Variants in FBN2 observed in about 807,000 individuals in gnomAD.
FBN2 encodes fibrillin-2.
FBN2 carries 105 observed loss-of-function variants against 355.6 expected under a neutral mutation model. The observed-to-expected ratio is 0.30, with a 90% CI of 0.25 to 0.35. The LOEUF is 0.35. Ranked by LOEUF, FBN2 falls within the 10% of genes least tolerant of loss-of-function variation. The pLI is 1.00. For missense variants in FBN2, 3,280 were observed against 3,758.7 expected, an observed-to-expected ratio of 0.87 and a Z score of 3.33; for synonymous variants, 1,350 against 1,301.2, an observed-to-expected ratio of 1.04 and a Z score of -0.81.
intron 46 of FBN2, among the ~76,000 whole-genome samples, chr5:128,302,512 A>G (rs1480585560): frequency 6.6e-6 from 1 of 152,196 alleles, no homozygotes; most frequent in Non-Finnish European, 1.5e-5. Flanking sequence ...TTGTGGGGAA[A>G]GGCATTCTGG....
chr5:128,318,412 C>A (rs1177453716), intron 35 of FBN2, 141 bp from the exon 36 acceptor site: 1 of 899,818 alleles, frequency 1.1e-6, no homozygotes, highest in Non-Finnish European at 1.8e-6. Context: ...AAATAAATAT[C>A]TTAAATTTTG....
chr5:128,280,822 G>A (rs1765519086), intron 55 of FBN2, among the ~76,000 whole-genome samples: 1 of 152,100 alleles, frequency 6.6e-6, no homozygotes, highest in East Asian at 1.9e-4. Flanking sequence ...GTTAATGGGA[G>A]AGGCAGTTTA....
At chr5:128,347,014 G>T (rs1751199728) in intron 23 of FBN2, among the ~76,000 whole-genome samples, 1 of 152,098 alleles carries the variant, frequency 6.6e-6, no homozygotes, top group South Asian at 2.1e-4. Flanking sequence ...CATTATCACA[G>T]GGCTCTGAGG....
chr5:128,335,372 G>C, intron 29 of FBN2, 77 bp from the exon 30 acceptor site: 1 of 1,611,238 alleles, frequency 6.2e-7, no homozygotes. Context: ...TTTCTATCTG[G>C]TTCCACTTGG....
intron 48 of FBN2, among the ~76,000 whole-genome samples, chr5:128,299,085 C>CCT (rs1362718606): frequency 2.6e-5 from 4 of 152,004 alleles, no homozygotes; most frequent in South Asian, 4.1e-4. Context: ...TGTTGGAGTA[C>CCT]TGGGCCGTGT....
At chr5:128,470,227 T>A (rs1241590586) in intron 5 of FBN2, among the ~76,000 whole-genome samples, 1 of 152,212 alleles carries the variant, frequency 6.6e-6, no homozygotes, top group Non-Finnish European at 1.5e-5. Context: ...CAGTACTGAA[T>A]GCTGCTGAGC....
chr5:128,403,896 T>C (rs1054529053), intron 8 of FBN2, among the ~76,000 whole-genome samples: 3 of 152,206 alleles, frequency 2.0e-5, no homozygotes, highest in East Asian at 1.9e-4. Flanking sequence ...TCTCCTACCA[T>C]GTGAAACTGT....
chr5:128,339,198 T>G lies in FBN2; in HGVS notation c.3344-137A>C. 4.8e-6 allele frequency: 4 copies of G among 828,734 alleles called. No individual in the cohort carries two copies. The South Asian group carries it at 5.8e-5, about 12-fold the overall frequency. The allele number at this position is 828,734 out of a possible 1,614,324, so 51.3% of individuals were successfully genotyped here. The stretch of plus-strand genomic sequence containing the variant: ...AGGGTATGTTTTCAGTAGACCCAGA[T>G]AGAAGGGCCTGGGACCTGAGGCACA... On this transcript the variant is annotated intron_variant, in intron 25 of 64. Coordinates refer to ENST00000262464, the MANE Select transcript of FBN2 (RefSeq NM_001999.4).
chr5:128,490,536 T>A (rs948719307), intron 5 of FBN2, among the ~76,000 whole-genome samples: 49 of 152,218 alleles, frequency 3.2e-4, no homozygotes, highest in African/African-American at 1.2e-3. Context: ...AGTGAAAACA[T>A]CAACTCTAAT....
intron 64 of FBN2, among the ~76,000 whole-genome samples, chr5:128,260,368 C>T (rs55695987): frequency 6.6e-6 from 1 of 152,152 alleles, no homozygotes; most frequent in African/African-American, 2.4e-5. Context: ...GCAGAGTTCT[C>T]AGGGCTCCAG....
At chr5:128,519,454 C>G in intron 4 of FBN2, 86 bp from the exon 5 acceptor site, 1 of 927,032 alleles carries the variant, frequency 1.1e-6, no homozygotes, top group Non-Finnish European at 1.7e-6. Context: ...AATAAAGGAT[C>G]TTATGTTAAA....
chr5:128,517,472 C>G (rs917228703), intron 5 of FBN2, among the ~76,000 whole-genome samples: 6 of 151,798 alleles, frequency 4.0e-5, no homozygotes, highest in African/African-American at 1.5e-4. Flanking sequence ...TTTTTCTTTC[C>G]CAAATAAAAG....
intron 6 of FBN2, among the ~76,000 whole-genome samples, chr5:128,455,978 G>A (rs1475710520): frequency 1.1e-5 from 1 of 92,552 alleles, no homozygotes; most frequent in African/African-American, 4.9e-5. Flanking sequence ...CTCCTTGGGG[G>A]AGGGTTAGCA....
At chr5:128,383,292 C>G (rs1752281118) in intron 11 of FBN2, among the ~76,000 whole-genome samples, 2 of 151,736 alleles carry the variant, frequency 1.3e-5, no homozygotes, top group Admixed American at 6.6e-5. Flanking sequence ...TAATATACTA[C>G]AAAAAATAAA....
At chr5:128,358,492 C>T (rs1751559452) in intron 19 of FBN2, among the ~76,000 whole-genome samples, 1 of 151,984 alleles carries the variant, frequency 6.6e-6, no homozygotes, top group Non-Finnish European at 1.5e-5. Flanking sequence ...GGACTTTAAA[C>T]TAAACTAATC....
chr5:128,353,807 TAC>T (rs563788571), intron 20 of FBN2, among the ~76,000 whole-genome samples: 272 of 152,334 alleles, frequency 1.8e-3, no homozygotes, highest in Admixed American at 4.5e-3. Flanking sequence ...ACCCAGCTAG[TAC>T]AGTGTCAGCA....
intron 5 of FBN2, among the ~76,000 whole-genome samples, chr5:128,476,644 C>A (rs1755011567): frequency 1.3e-5 from 2 of 151,142 alleles, no homozygotes; most frequent in African/African-American, 2.4e-5. Flanking sequence ...AAATACAAGT[C>A]AAATTTGACA....
intron 7 of FBN2, among the ~76,000 whole-genome samples, chr5:128,411,505 G>C (rs1328631395): frequency 6.6e-6 from 1 of 152,166 alleles, no homozygotes; most frequent in Non-Finnish European, 1.5e-5. Flanking sequence ...ACTCCTCTCT[G>C]ACCGTCCCCA....
At chr5:128,260,780 T>G (rs1764945011) in intron 64 of FBN2, among the ~76,000 whole-genome samples, 1 of 151,906 alleles carries the variant, frequency 6.6e-6, no homozygotes, top group African/African-American at 2.4e-5. Flanking sequence ...ACAAAGATTC[T>G]GAGGCCCAAA....
Sources: allele counts gnomAD v4.1 joint callset (sites outside exome capture counted in the v4.1 genomes callset), GRCh38; gene constraint gnomAD v4.1.1; transcripts MANE v1.5; gene names NCBI Gene and HGNC (gene_info 2026-07-23, HGNC 2026-07-21).